DGKB: variants seen among roughly 807,000 people sequenced by gnomAD.
DGKB encodes 90 kDa diacylglycerol kinase.
Under a neutral mutation model 114.3 loss-of-function variants are expected in DGKB, and 67 were observed. The observed-to-expected ratio is 0.59, with a 90% CI of 0.48 to 0.72. DGKB has a LOEUF of 0.72. Among genes scored for constraint, DGKB ranks in the 30% least tolerant of loss-of-function variants. The pLI is 0.00. For synonymous variants in DGKB, 398 were observed against 323.1 expected, an observed-to-expected ratio of 1.23 and a Z score of -2.49; for missense variants, 907 against 975.2, an observed-to-expected ratio of 0.93 and a Z score of 0.93.
At chr7:14,399,110 C>G (rs928123906) in intron 21 of DGKB, among the ~76,000 whole-genome samples, 1 of 151,492 alleles carries the variant, frequency 6.6e-6, no homozygotes, top group Non-Finnish European at 1.5e-5. Flanking sequence ...GAATTTTTAA[C>G]TTCTCCAACG....
chr7:14,506,189 T>C (rs944390119), intron 20 of DGKB, among the ~76,000 whole-genome samples: 1 of 152,136 alleles, frequency 6.6e-6, no homozygotes, highest in Non-Finnish European at 1.5e-5. Flanking sequence ...TGGCAAAATT[T>C]TCTGATTAGA....
chr7:14,345,416 CT>C, intron 21 of DGKB, 25 bp from the exon 22 acceptor site: 1 of 1,265,732 alleles, frequency 7.9e-7, no homozygotes. Context: ...GAAGAAGCAC[CT>C]TAGGCAATTA....
chr7:14,260,555 A>ATAAT (rs1796620295), intron 23 of DGKB, among the ~76,000 whole-genome samples: 1 of 152,192 alleles, frequency 6.6e-6, no homozygotes, highest in Admixed American at 6.6e-5. Context: ...AATCCTTTAA[A>ATAAT]TAATAGGCAT....
intron 20 of DGKB, among the ~76,000 whole-genome samples, chr7:14,558,674 G>A (rs1417030595): frequency 2.0e-5 from 3 of 152,050 alleles, no homozygotes; most frequent in East Asian, 1.9e-4. Context: ...CCACCAAGCC[G>A]CTAAGAAAAA....
rs1781815308 is a variant in DGKB, at chr7:14,149,234, T to G, written c.2309A>C (p.Lys770Thr). ...EPWMQTPCTI[K>T]ITHKNQAPML... ...TGGGGCTTGGTTCTTGTGTGTAATT[T>G]TTATCTAGAAAAAAAGAGAGAGAGA... Residue 770 changes from lysine (K) to threonine (T), a missense_variant, in exon 26 of 26, where the codon AAA becomes ACA. Around this residue, in one of 3 missense-constraint regions of DGKB, gnomAD observed 58 missense variants for 52.5 expected, o/e 1.10. Transcript: ENST00000402815. The G allele has an allele frequency of 1.2e-6, 2 of 1,610,562 alleles. No homozygotes were observed. Among genetic ancestry groups the G allele is most frequent in the Non-Finnish European group, 8.5e-7 (1 of 1,177,994 alleles).
intron 6 of DGKB, among the ~76,000 whole-genome samples, chr7:14,705,390 C>T (rs1316299564): frequency 8.0e-5 from 12 of 150,322 alleles, no homozygotes; most frequent in African/African-American, 1.9e-4. Flanking sequence ...TTGGAAAACA[C>T]TCTGCAGGAT....
At chr7:14,158,658 G>T (rs763872912) in intron 25 of DGKB, among the ~76,000 whole-genome samples, 8 of 152,126 alleles carry the variant, frequency 5.3e-5, no homozygotes, top group Non-Finnish European at 7.3e-5. Flanking sequence ...CAAAAAAATT[G>T]CCATTGCTTG....
chr7:14,199,402 A>T (rs1785502604), intron 23 of DGKB, among the ~76,000 whole-genome samples: 1 of 152,094 alleles, frequency 6.6e-6, no homozygotes. Context: ...CATTTGGATC[A>T]GATGAATGGG....
At chr7:14,729,326 G>C (rs113681380) in intron 5 of DGKB, among the ~76,000 whole-genome samples, 6 of 151,406 alleles carry the variant, frequency 4.0e-5, no homozygotes, top group Non-Finnish European at 8.8e-5. Context: ...GTTTCACCGT[G>C]TTAGCCAGGA....
intron 25 of DGKB, among the ~76,000 whole-genome samples, chr7:14,161,389 A>G (rs1384916211): frequency 6.6e-6 from 1 of 152,240 alleles, no homozygotes; most frequent in African/African-American, 2.4e-5. Flanking sequence ...CACTATTCAT[A>G]ATAGCAAAGA....
chr7:14,788,255 C>T (rs895755021), intron 2 of DGKB, among the ~76,000 whole-genome samples: 1 of 152,194 alleles, frequency 6.6e-6, no homozygotes, highest in African/African-American at 2.4e-5. Flanking sequence ...ATCCCTGAAG[C>T]TCAGGTGTAC....
chr7:14,280,636 A>G (rs1392389198), intron 23 of DGKB, among the ~76,000 whole-genome samples: 3 of 151,590 alleles, frequency 2.0e-5, no homozygotes, highest in African/African-American at 7.3e-5. Context: ...CTCAAAGGGA[A>G]GCCCATCAGA....
At chr7:14,904,573 C>T (rs1739190350), upstream of DGKB, among the ~76,000 whole-genome samples, 1 of 152,136 alleles carries the variant, frequency 6.6e-6, no homozygotes, top group South Asian at 2.1e-4. Context: ...ATGAGCAAAG[C>T]ATTTATCAAT....
intron 15 of DGKB, 33 bp from the exon 16 acceptor site, chr7:14,613,446 T>G: frequency 1.7e-6 from 2 of 1,154,152 alleles, no homozygotes; most frequent in Non-Finnish European, 2.5e-6. Context: ...GGAAAAATTA[T>G]TAGGCCCATT....
At chr7:14,827,921 C>T (rs938833533) in intron 2 of DGKB, among the ~76,000 whole-genome samples, 4 of 49,966 alleles carry the variant, frequency 8.0e-5, no homozygotes, top group Admixed American at 2.6e-4. Context: ...ATATGAACTC[C>T]GAAATGAATG....
intron 2 of DGKB, among the ~76,000 whole-genome samples, chr7:14,818,303 C>G (rs1331701842): frequency 6.6e-6 from 1 of 152,096 alleles, no homozygotes; most frequent in Non-Finnish European, 1.5e-5. Context: ...CAAGGGAGGT[C>G]GAATTTCTAT....
At chr7:14,394,044 A>G (rs1278678659) in intron 21 of DGKB, among the ~76,000 whole-genome samples, 1 of 152,182 alleles carries the variant, frequency 6.6e-6, no homozygotes, top group Non-Finnish European at 1.5e-5. Context: ...ATAGCACAAA[A>G]TTATCCTTTT....
At chr7:14,532,947 C>A (rs1791840156) in intron 20 of DGKB, among the ~76,000 whole-genome samples, 2 of 151,704 alleles carry the variant, frequency 1.3e-5, no homozygotes, top group South Asian at 4.1e-4. Flanking sequence ...TGGGCAGACA[C>A]CATTGCAAGA....
At chr7:14,673,576 T>C (rs1277610448) in intron 12 of DGKB, among the ~76,000 whole-genome samples, 2 of 152,016 alleles carry the variant, frequency 1.3e-5, no homozygotes, top group Non-Finnish European at 2.9e-5. Context: ...TGATTATGAT[T>C]ATAAAAATTT....
Sources: allele counts gnomAD v4.1 joint callset (sites outside exome capture counted in the v4.1 genomes callset), GRCh38; gene constraint gnomAD v4.1.1; regional missense constraint gnomAD v4.1.1; transcripts MANE v1.5; gene names NCBI Gene and HGNC (gene_info 2026-07-23, HGNC 2026-07-21).